Variants in GTF3C1 observed in about 807,000 individuals in gnomAD.
GTF3C1 encodes general transcription factor 3C polypeptide 1.
Under a neutral mutation model 226.7 loss-of-function variants are expected in GTF3C1, and 57 were observed. The observed-to-expected ratio is 0.25, with a 90% CI of 0.20 to 0.31. The LOEUF is 0.31. Ranked by LOEUF, GTF3C1 falls within the 10% of genes least tolerant of loss-of-function variation. GTF3C1 has a pLI of 1.00. For missense variants in GTF3C1, 2,217 were observed against 2,776.1 expected, an observed-to-expected ratio of 0.80 and a Z score of 4.53; for synonymous variants, 1,090 against 1,084.8, an observed-to-expected ratio of 1.00 and a Z score of -0.09.
intron 2 of GTF3C1, among the ~76,000 whole-genome samples, chr16:27,542,695 C>T (rs2089104075): frequency 6.6e-6 from 1 of 152,124 alleles, no homozygotes; most frequent in Non-Finnish European, 1.5e-5. Context: ...GAAAATGAGT[C>T]TCCTTCTCTT....
intron 17 of GTF3C1, among the ~76,000 whole-genome samples, 189 bp downstream of exon 17, chr16:27,493,010 C>A (rs892662032): frequency 1.3e-5 from 2 of 152,156 alleles, no homozygotes; most frequent in African/African-American, 4.8e-5. Flanking sequence ...TTTAAAAGAA[C>A]CTTCAAATCA....
At chr16:27,486,560 G>A (rs552777959) in intron 23 of GTF3C1, among the ~76,000 whole-genome samples, 3 of 152,250 alleles carry the variant, frequency 2.0e-5, no homozygotes, top group South Asian at 2.1e-4. Flanking sequence ...AGGCCCCCAC[G>A]CTCCCTTGCT....
rs557430829 is a variant in GTF3C1 at position 27,468,668 on chromosome 16, G to A, written c.5074+623C>T. ...TCCCATCACTTTGGGAGGCGGAGGT[G>A]GGAAAATCACTTAAGGCCAGGAGTT... is the stretch of plus-strand genomic sequence containing the variant. On this transcript the variant is annotated intron_variant, in intron 32 of 36. Transcript: ENST00000356183. Among the ~76,000 whole-genome samples the A allele has an allele frequency of 1.6e-3, 248 of 151,666 alleles. 1 individual carries two copies. Among genetic ancestry groups the A allele is most frequent in the South Asian group, 0.014 (65 of 4,776 alleles).
At chr16:27,537,663 CTCCCAAAGGGCTAT>C in intron 4 of GTF3C1, 107 bp downstream of exon 4, 3 of 682,904 alleles carry the variant, frequency 4.4e-6, no homozygotes, top group Non-Finnish European at 7.6e-6. Context: ...CCACCTCAGC[CTCCCAAAGGGCTAT>C]GATTACAGGT....
At chr16:27,489,457 T>C (rs551205249) in intron 20 of GTF3C1, 145 bp downstream of exon 20, 2 of 649,754 alleles carry the variant, frequency 3.1e-6, no homozygotes, top group East Asian at 5.5e-5. Flanking sequence ...ATAAAGTATG[T>C]CTGGAGCCAG....
At position 27,464,338 on chromosome 16, in the gene GTF3C1, C is replaced by A; in HGVS notation, c.5854G>T (p.Gly1952Cys). 2 of 1,531,668 alleles carry A rather than the reference C, an allele frequency of 1.3e-6. No homozygotes were observed. The highest frequency in any genetic ancestry group is 2.6e-5 in the South Asian group (2 of 76,056). The allele number at this position is 1,531,668 out of a possible 1,614,324, so 94.9% of individuals were successfully genotyped here. ...QLSGQAQPPE[G>C]SEDPRGFTES... ...GCGGTACCTCTGGGGTCTTCAGAGC[C>A]CTCTGGAGGCTGCGCCTGGCCGCTC... The change falls in exon 34 of 37, where the codon GGC becomes TGC. Residue 1952 changes from glycine to cysteine, a missense_variant. Around this residue, in one of 12 missense-constraint regions of GTF3C1, gnomAD observed 455 missense variants for 441.9 expected, o/e 1.03. Transcript: ENST00000356183.
At chr16:27,504,252 G>A (rs2088450773) in intron 10 of GTF3C1, among the ~76,000 whole-genome samples, 1 of 152,198 alleles carries the variant, frequency 6.6e-6, no homozygotes, top group Admixed American at 6.5e-5. Flanking sequence ...AGCTGAACTG[G>A]AAACAAGTCA....
At chr16:27,489,794 T>C (rs1254389532) in intron 19 of GTF3C1, 51 bp from the exon 20 acceptor site, 7 of 1,575,464 alleles carry the variant, frequency 4.4e-6, no homozygotes, top group Non-Finnish European at 6.0e-6. Context: ...GCTGCAGCTC[T>C]GGTGGCTACT....
intron 19 of GTF3C1, 124 bp from the exon 20 acceptor site, chr16:27,489,867 G>A (rs2088207205): frequency 6.7e-6 from 6 of 891,670 alleles, no homozygotes; most frequent in Non-Finnish European, 1.0e-5. Context: ...CCCGGCCACT[G>A]CGGGGGTCTG....
intron 24 of GTF3C1, among the ~76,000 whole-genome samples, chr16:27,485,332 T>C (rs1232901471): frequency 3.3e-5 from 5 of 152,216 alleles, no homozygotes; most frequent in Non-Finnish European, 4.4e-5. Context: ...GGCAGAGCTT[T>C]TTCCTGGAAG....
chr16:27,510,780 A>C (rs907989057), intron 7 of GTF3C1, among the ~76,000 whole-genome samples: 2 of 152,200 alleles, frequency 1.3e-5, no homozygotes, highest in African/African-American at 4.8e-5. Flanking sequence ...TGTCCCACAC[A>C]GAAGTTAGGG....
At chr16:27,479,758 C>G (rs947811838) in intron 27 of GTF3C1, among the ~76,000 whole-genome samples, 1 of 152,164 alleles carries the variant, frequency 6.6e-6, no homozygotes, top group Non-Finnish European at 1.5e-5. Context: ...TGTTAAGCCC[C>G]CACACCTGGC....
intron 4 of GTF3C1, among the ~76,000 whole-genome samples, chr16:27,534,676 G>C (rs79044959): frequency 0.012 from 1,817 of 152,244 alleles, 48 homozygotes; most frequent in African/African-American, 0.041. Context: ...TGTGTTCTTG[G>C]GCTGAGCACA....
chr16:27,482,363 C>A, intron 26 of GTF3C1: 1 of 411,664 alleles, frequency 2.4e-6, no homozygotes, highest in Admixed American at 2.5e-5. Flanking sequence ...AAGCTGTATA[C>A]TCTCATTAGG....
At chr16:27,481,956 T>C (rs1412070473) in intron 26 of GTF3C1, among the ~76,000 whole-genome samples, 1 of 152,210 alleles carries the variant, frequency 6.6e-6, no homozygotes, top group East Asian at 1.9e-4. Flanking sequence ...CTCAATTTGC[T>C]GTGGGGAGGG....
At chr16:27,490,434 G>A (rs924332398) in intron 19 of GTF3C1, among the ~76,000 whole-genome samples, 9 of 152,192 alleles carry the variant, frequency 5.9e-5, no homozygotes, top group African/African-American at 1.9e-4. Context: ...TGGCATGGCC[G>A]GTGGGGCCCG....
chr16:27,487,490 T>C (rs1430661915), intron 23 of GTF3C1, among the ~76,000 whole-genome samples: 1 of 152,196 alleles, frequency 6.6e-6, no homozygotes, highest in Non-Finnish European at 1.5e-5. Context: ...AAGGGGTGCA[T>C]CAAATCAGAA....
At chr16:27,472,813 G>A (rs1041255332) in intron 29 of GTF3C1, among the ~76,000 whole-genome samples, 10 of 152,190 alleles carry the variant, frequency 6.6e-5, no homozygotes, top group African/African-American at 1.9e-4. Flanking sequence ...CTCCTCCTCT[G>A]AGGTCAATTG....
intron 3 of GTF3C1, 45 bp from the exon 4 acceptor site, chr16:27,537,972 T>C: frequency 6.3e-7 from 1 of 1,594,986 alleles, no homozygotes. Context: ...CTGGTAGTTT[T>C]ATCAATGTAT....
Sources: gnomAD v4.1 joint callset for allele counts (sites outside exome capture counted in the v4.1 genomes callset) on GRCh38, gnomAD v4.1.1 for gene constraint, gnomAD v4.1.1 regional missense constraint, MANE v1.5 for transcripts, NCBI Gene and HGNC (gene_info 2026-07-23, HGNC 2026-07-21) for gene names.